PHC1: variants seen among roughly 807,000 people sequenced by gnomAD.
PHC1 encodes the protein polyhomeotic-like protein 1.
PHC1 carries 12 observed loss-of-function variants against 104.3 expected under a neutral mutation model. The ratio of observed to expected loss-of-function variants is 0.12; its 90% CI spans 0.07 to 0.19. PHC1 has a LOEUF of 0.19. Among genes scored for constraint, PHC1 ranks in the 10% least tolerant of loss-of-function variants. The pLI is 1.00. For synonymous variants in PHC1, 302 were observed against 455.8 expected (o/e 0.66, Z 4.30); for missense variants, 671 against 1,200.0 (o/e 0.56, Z 6.51).
At chr12:8,927,547 A>G (rs1045200261) in intron 6 of PHC1, among the ~76,000 whole-genome samples, 13 of 151,626 alleles carry the variant, frequency 8.6e-5, no homozygotes, top group African/African-American at 2.2e-4. Flanking sequence ...AGATAAATGT[A>G]TAGATTCGGT....
intron 2 of PHC1, among the ~76,000 whole-genome samples, chr12:8,918,484 T>C (rs7312166): frequency 0.86 from 129,880 of 151,192 alleles, 57,012 homozygotes; most frequent in South Asian, 0.97. Flanking sequence ...TACATTTTCT[T>C]CTTTTTTTTT....
intron 6 of PHC1, among the ~76,000 whole-genome samples, chr12:8,923,341 G>T (rs1945418562): frequency 6.6e-6 from 1 of 152,076 alleles, no homozygotes; most frequent in African/African-American, 2.4e-5. Flanking sequence ...TGGAATTTTA[G>T]CTTCTTATAG....
At chr12:8,936,733 A>T in intron 11 of PHC1, 123 bp from the exon 12 acceptor site, 1 of 661,568 alleles carries the variant, frequency 1.5e-6, no homozygotes, top group Non-Finnish European at 2.7e-6. Flanking sequence ...ATTCTCAACT[A>T]GGTTGTGTAG....
Position 8,940,222 on chromosome 12 carries a change from T to TAA in PHC1, c.*764_*765dup, listed in dbSNP as rs1248804862. ...GTGTGTGGGGCTGAGGTCAGGAGTATAAGTACCTGCCTTAGGCACTATTCC... is the reference window on the plus strand; with the variant it reads ...GTGTGTGGGGCTGAGGTCAGGAGTATAAAAGTACCTGCCTTAGGCACTATTCC... On this transcript the variant is annotated 3_prime_UTR_variant, in exon 15 of 15. Coordinates refer to ENST00000544916, the MANE Select transcript of PHC1 (RefSeq NM_004426.3). 3 of 228,088 alleles carry TAA rather than the reference T, an allele frequency of 1.3e-5. No individual in the cohort carries two copies. The highest frequency in any genetic ancestry group is 2.3e-5 in the African/African-American group (1 of 43,546). 14.1% of individuals were successfully genotyped at this position (228,088 alleles called of 1,614,324 possible). A position where few individuals can be genotyped will look rare whatever the true frequency, so the allele number is the denominator to read the frequency against.
chr12:8,921,748 C>G lies in PHC1; in HGVS notation c.454C>G (p.Arg152Gly). Residue 152 changes from arginine to glycine, a missense_variant and splice_region_variant, in exon 5 of 15, where the codon CGG (arginine) becomes GGG (glycine). Physicochemically the swap from Arg to Gly is moderately radical, Grantham distance 125 (BLOSUM62 -2). Around this residue, in one of 9 missense-constraint regions of PHC1, gnomAD observed 237 missense variants for 331.1 expected, o/e 0.72. Coordinates refer to ENST00000544916, the MANE Select transcript of PHC1 (RefSeq NM_004426.3). ...LNQSQAQMYLRPQLGNLLQVN... is the reference protein window; with the variant it reads ...LNQSQAQMYLGPQLGNLLQVN... ...CCAGTCTCAGGCCCAGATGTATCTA[C>G]GGGTAAGCCACAGATGCAGTCACCA... The G allele has an allele frequency of 1.9e-6, 3 of 1,599,866 alleles. No homozygotes were observed. The highest frequency in any genetic ancestry group is 2.6e-6 in the Non-Finnish European group (3 of 1,174,416).
rs1166877303 is a variant in PHC1 at position 8,919,996 on chromosome 12, T to C, written c.225+130T>C. On this transcript the variant is annotated intron_variant, in intron 3 of 14. Coordinates refer to ENST00000544916, the MANE Select transcript of PHC1 (RefSeq NM_004426.3). This position sits in a 1 kb window ranked among gnomAD's most constrained non-coding sequence, Gnocchi z 4.9. ...AGACAGCCTCCTCCGCCTCCTGTCC[T>C]TCTGTGGGAGGATGGATGCATCTTA... 2.2e-6 allele frequency: 3 copies of C among 1,392,808 alleles called. No individual in the cohort carries two copies. In the East Asian group the frequency reaches 7.6e-5, roughly 35 times the overall value. 86.3% of individuals were successfully genotyped at this position (1,392,808 alleles called of 1,614,324 possible).
intron 9 of PHC1, 41 bp from the exon 10 acceptor site, chr12:8,934,226 G>A: frequency 4.0e-6 from 6 of 1,490,816 alleles, no homozygotes; most frequent in Non-Finnish European, 5.6e-6. Context: ...GGATCAATAT[G>A]TCATCTCATG....
intron 9 of PHC1, 86 bp from the exon 10 acceptor site, chr12:8,934,181 T>C: frequency 7.6e-7 from 1 of 1,313,908 alleles, no homozygotes; most frequent in South Asian, 1.3e-5. Context: ...GGACATAGAT[T>C]ATTATGGAAG....
At chr12:8,914,916 A>C (rs1565509172) in intron 1 of PHC1, 89 bp downstream of exon 1, 3 of 153,912 alleles carry the variant, frequency 1.9e-5, no homozygotes, top group Middle Eastern at 1.6e-3. Flanking sequence ...CCATCTGTGT[A>C]ACGCCCCAGG....
At chr12:8,937,082 C>A in intron 12 of PHC1, 94 bp from the exon 13 acceptor site, 1 of 1,477,662 alleles carries the variant, frequency 6.8e-7, no homozygotes, top group Non-Finnish European at 9.4e-7. Context: ...CTTTTATTCC[C>A]TTCCCCAAAT....
intron 5 of PHC1, 102 bp from the exon 6 acceptor site, chr12:8,922,531 A>T: frequency 9.8e-7 from 1 of 1,025,052 alleles, no homozygotes; most frequent in Non-Finnish European, 1.4e-6. Context: ...TCAGCTGTTT[A>T]ATATCTTCTG....
intron 14 of PHC1, 149 bp from the exon 15 acceptor site, chr12:8,939,156 C>T: frequency 1.0e-6 from 1 of 967,502 alleles, no homozygotes; most frequent in Non-Finnish European, 1.6e-6. Context: ...TTTCTAATTT[C>T]ATTTTGCTTT....
At chr12:8,922,164 G>A (rs1014108426) in intron 5 of PHC1, among the ~76,000 whole-genome samples, 1 of 152,104 alleles carries the variant, frequency 6.6e-6, no homozygotes, top group Admixed American at 6.5e-5. Context: ...AGAGAAGCTG[G>A]GACCTACTTC....
intron 11 of PHC1, 76 bp from the exon 12 acceptor site, chr12:8,936,779 TC>T: frequency 1.1e-6 from 1 of 922,952 alleles, no homozygotes; most frequent in Non-Finnish European, 1.7e-6. Flanking sequence ...AATTTTAGAA[TC>T]CAGCTCTGAG....
chr12:8,938,910 C>A (rs1376119057), intron 14 of PHC1, among the ~76,000 whole-genome samples: 1 of 152,080 alleles, frequency 6.6e-6, no homozygotes, highest in African/African-American at 2.4e-5. Flanking sequence ...ACTGCAACCT[C>A]CGCATCCTGG....
Position 8,921,564 on chromosome 12 carries a change from C to T in PHC1, c.307-37C>T, listed in dbSNP as rs1443062020. On this transcript the variant is annotated intron_variant, in intron 4 of 14. Coordinates refer to ENST00000544916, the MANE Select transcript of PHC1 (RefSeq NM_004426.3). Reference sequence around the variant, plus strand: ...CACGTACCTTTCCTTTTACTTCTCCCAAATCCTTAGTCCTGGTTCCTTTCT... The same window carrying T: ...CACGTACCTTTCCTTTTACTTCTCCTAAATCCTTAGTCCTGGTTCCTTTCT... The T allele has an allele frequency of 3.1e-6, 5 of 1,608,382 alleles. No homozygotes were observed. The African/African-American group carries it at 5.4e-5, about 17-fold the overall frequency.
intron 1 of PHC1, 50 bp from the exon 2 acceptor site, chr12:8,917,580 A>G (rs1945237355): frequency 1.9e-6 from 1 of 524,348 alleles, no homozygotes; most frequent in South Asian, 3.4e-5. Flanking sequence ...ACATGAGATA[A>G]CAGCTTGGGA....
intron 1 of PHC1, among the ~76,000 whole-genome samples, chr12:8,916,899 T>C (rs1396607233): frequency 6.6e-6 from 1 of 152,164 alleles, no homozygotes; most frequent in African/African-American, 2.4e-5. Flanking sequence ...GTAGGTGAGC[T>C]CTTCTGCTTC....
In PHC1 at chr12:8,919,932, T is replaced by C. The variant is rs772736862; in HGVS notation, c.225+66T>C. ...AGGCACTACAGGTGGGTAGGGGAGA[T>C]TTTTTGGGCATATAGCATCCTATAC... On this transcript the variant is annotated intron_variant, in intron 3 of 14. Coordinates refer to ENST00000544916, the MANE Select transcript of PHC1 (RefSeq NM_004426.3). The surrounding 1 kb of genome is among the most constrained non-coding windows in gnomAD (Gnocchi z 4.9). 2.6e-6 allele frequency: 4 copies of C among 1,561,272 alleles called. No individual in the cohort carries two copies. The highest frequency in any genetic ancestry group is 1.4e-5 in the African/African-American group (1 of 73,588).
Sources: allele counts gnomAD v4.1 joint callset (sites outside exome capture counted in the v4.1 genomes callset), GRCh38; gene constraint gnomAD v4.1.1; regional missense constraint gnomAD v4.1.1; non-coding constraint Gnocchi (gnomAD v3.1); transcripts MANE v1.5; gene names NCBI Gene and HGNC (gene_info 2026-07-23, HGNC 2026-07-21).